Variants in CDH7 observed in about 807,000 individuals in gnomAD.
The protein encoded by CDH7 is cadherin-7.
Under a neutral mutation model 71.8 loss-of-function variants are expected in CDH7, and 25 were observed. The observed-to-expected ratio is 0.35, with a 90% CI of 0.25 to 0.49. The LOEUF (loss-of-function observed/expected upper bound fraction) is 0.49. CDH7 is among the 20% of genes least tolerant of loss of function. CDH7 has a pLI of 0.99. For synonymous variants in CDH7, 381 were observed against 363.8 expected, an observed-to-expected ratio of 1.05 and a Z score of -0.54; for missense variants, 862 against 974.6, an observed-to-expected ratio of 0.88 and a Z score of 1.54.
At chr18:65,831,372 C>A (rs1400020455) in intron 6 of CDH7, among the ~76,000 whole-genome samples, 1 of 152,144 alleles carries the variant, frequency 6.6e-6, no homozygotes, top group Admixed American at 6.5e-5. Context: ...GCTGGCCCAA[C>A]AAAGGCAGGC....
intron 2 of CDH7, among the ~76,000 whole-genome samples, chr18:65,795,093 A>G (rs1246438915): frequency 1.3e-5 from 2 of 152,182 alleles, no homozygotes; most frequent in East Asian, 3.8e-4. Flanking sequence ...GGGATTTTGA[A>G]TTAGAATGGA....
chr18:65,755,118 G>T (rs1915996231), intron 1 of CDH7, among the ~76,000 whole-genome samples: 1 of 152,136 alleles, frequency 6.6e-6, no homozygotes, highest in South Asian at 2.1e-4. Context: ...TCACTTTTAG[G>T]AAAGATGATA....
chr18:65,812,363 A>T (rs977017297), intron 3 of CDH7, among the ~76,000 whole-genome samples: 1 of 152,216 alleles, frequency 6.6e-6, no homozygotes, highest in African/African-American at 2.4e-5. Context: ...TTCAGGGTGT[A>T]CTTGACACCA....
chr18:65,844,112 T>C, intron 7 of CDH7, 47 bp downstream of exon 7: 2 of 1,568,814 alleles, frequency 1.3e-6, no homozygotes, highest in Non-Finnish European at 1.7e-6. Flanking sequence ...AAACAATGCA[T>C]TCTTGTTCAC....
chr18:65,814,721 A>G, intron 4 of CDH7, 117 bp downstream of exon 4: 1 of 809,858 alleles, frequency 1.2e-6, no homozygotes, highest in Non-Finnish European at 1.9e-6. Context: ...GCTTCTCTCA[A>G]TATGTCTACT....
At position 65,885,386 on chromosome 18, in the gene CDH7, T is replaced by TG. The variant is rs1568238178; in HGVS notation, c.*4492_*4493insG. ...TGTGTGCCTGTGTTTTTTTTTTTTT[T>TG]TTTTTTTTTGACGTGGAGTCTCGCT... On this transcript the variant is annotated 3_prime_UTR_variant, in exon 12 of 12. Coordinates refer to ENST00000397968, the MANE Select transcript of CDH7 (RefSeq NM_004361.5). The TG allele has an allele frequency of 8.0e-6, 1 of 124,476 alleles. No homozygotes were observed. The highest frequency in any genetic ancestry group is 2.8e-5 in the African/African-American group (1 of 35,908). 7.7% of individuals were successfully genotyped at this position (124,476 alleles called of 1,614,324 possible).
At chr18:65,846,250 A>G (rs1912930510) in intron 7 of CDH7, among the ~76,000 whole-genome samples, 1 of 152,080 alleles carries the variant, frequency 6.6e-6, no homozygotes, top group Non-Finnish European at 1.5e-5. Flanking sequence ...TCAAAGGCAG[A>G]ACTTCTGATT....
In CDH7 at chr18:65,888,222, G is replaced by A. The variant is rs566507929; in HGVS notation, c.*7328G>A. ...GAGTACTGTTTCAGAACTAACCAGCGAAGAGATGTATACAAAGTGTACTCT... is the reference window on the plus strand; with the variant it reads ...GAGTACTGTTTCAGAACTAACCAGCAAAGAGATGTATACAAAGTGTACTCT... On this transcript the variant is annotated 3_prime_UTR_variant, in exon 12 of 12. Transcript: ENST00000397968. 1.8e-4 allele frequency: 28 copies of A among 152,280 alleles called. No individual in the cohort carries two copies. The highest frequency in any genetic ancestry group is 3.7e-4 in the Non-Finnish European group (25 of 68,026). The allele number at this position is 152,280 out of a possible 1,614,324, so 9.4% of individuals were successfully genotyped here. A position where few individuals can be genotyped will look rare whatever the true frequency, so the allele number is the denominator to read the frequency against.
rs1555692673 is a variant in CDH7 at position 65,885,378 on chromosome 18, T to TTTCTTTTTTTTTTTTTTC, written c.*4486_*4487insCTTTTTTTTTTTTTTCTT. On this transcript the variant is annotated 3_prime_UTR_variant, in exon 12 of 12. Coordinates refer to ENST00000397968, the MANE Select transcript of CDH7 (RefSeq NM_004361.5). ...GAAAAGGATGTGTGCCTGTGTTTTTTTTTTTTTTTTTTTTTTTGACGTGGA... is the reference window on the plus strand; with the variant it reads ...GAAAAGGATGTGTGCCTGTGTTTTTTTTCTTTTTTTTTTTTTTCTTTTTTTTTTTTTTTTTGACGTGGA... 9.6e-6 allele frequency: 1 copy of TTTCTTTTTTTTTTTTTTC among 104,520 alleles called. No individual in the cohort carries two copies. Among genetic ancestry groups the TTTCTTTTTTTTTTTTTTC allele is most frequent in the Non-Finnish European group, 2.0e-5 (1 of 49,696 alleles). 6.5% of individuals were successfully genotyped at this position (104,520 alleles called of 1,614,324 possible). A position where few individuals can be genotyped will look rare whatever the true frequency, so the allele number is the denominator to read the frequency against.
intron 2 of CDH7, among the ~76,000 whole-genome samples, chr18:65,788,357 T>G (rs988336889): frequency 5.3e-5 from 8 of 152,198 alleles, no homozygotes; most frequent in Non-Finnish European, 8.8e-5. Context: ...CTGAAATAGT[T>G]GGCTTCTGAG....
chr18:65,834,309 G>C (rs1912458245), intron 6 of CDH7, among the ~76,000 whole-genome samples: 2 of 152,118 alleles, frequency 1.3e-5, no homozygotes, highest in African/African-American at 2.4e-5. Context: ...TGTCTAAGAA[G>C]TCATGAATAT....
In CDH7 at chr18:65,844,015, C is replaced by G; in HGVS notation, c.1185C>G (p.Ile395Met). ...EVSEATQVGN[I>M]IGTVAAHDPD... ...CGGAAGCTACCCAGGTTGGGAATAT[C>G]ATTGGCACTGTAGCAGCTCATGACC... Residue 395 changes from isoleucine (I) to methionine (M), a missense_variant, in exon 7 of 12, where the codon ATC (isoleucine) becomes ATG (methionine). Ile to Met is a conservative substitution (Grantham distance 10). Transcript: ENST00000397968. 1 of 1,613,056 alleles carries G rather than the reference C, an allele frequency of 6.2e-7. No individual in the cohort carries two copies. The highest frequency in any genetic ancestry group is 8.5e-7 in the Non-Finnish European group (1 of 1,179,374).
chr18:65,782,958 A>C (rs1910369114), intron 2 of CDH7, among the ~76,000 whole-genome samples: 1 of 152,208 alleles, frequency 6.6e-6, no homozygotes, highest in Non-Finnish European at 1.5e-5. Context: ...AATGTGTCAC[A>C]AAACAGACTG....
chr18:65,861,582 G>T (rs920168063), intron 10 of CDH7, among the ~76,000 whole-genome samples: 9 of 151,996 alleles, frequency 5.9e-5, no homozygotes, highest in African/African-American at 1.9e-4. Context: ...TAAAATAAAA[G>T]ATTTTTTTAC....
At chr18:65,770,275 C>G (rs187252710) in intron 2 of CDH7, among the ~76,000 whole-genome samples, 8 of 152,190 alleles carry the variant, frequency 5.3e-5, no homozygotes, top group Non-Finnish European at 1.0e-4. Context: ...GAAAGTTTCA[C>G]TAATATAGAG....
intron 2 of CDH7, among the ~76,000 whole-genome samples, chr18:65,785,569 T>C (rs1416602751): frequency 6.6e-6 from 1 of 151,656 alleles, no homozygotes; most frequent in Non-Finnish European, 1.5e-5. Flanking sequence ...ATATTACTTA[T>C]ATAGGAGAAA....
chr18:65,852,382 A>G (rs1415418925), intron 7 of CDH7, among the ~76,000 whole-genome samples: 1 of 152,142 alleles, frequency 6.6e-6, no homozygotes, highest in African/African-American at 2.4e-5. Flanking sequence ...AAAGCTTAAC[A>G]CTAATGACAT....
chr18:65,855,273 T>C (rs556486468), intron 7 of CDH7, among the ~76,000 whole-genome samples: 1 of 151,404 alleles, frequency 6.6e-6, no homozygotes, highest in South Asian at 2.1e-4. Flanking sequence ...AAACAAATTT[T>C]ACAGAAATCA....
At chr18:65,853,004 AG>A (rs1454929910) in intron 7 of CDH7, among the ~76,000 whole-genome samples, 18 of 152,286 alleles carry the variant, frequency 1.2e-4, no homozygotes, top group Admixed American at 5.9e-4. Flanking sequence ...CAAAAATTTC[AG>A]GAACTAGTTT....
Sources: gnomAD v4.1 joint callset for allele counts (sites outside exome capture counted in the v4.1 genomes callset) on GRCh38, gnomAD v4.1.1 for gene constraint, MANE v1.5 for transcripts, NCBI Gene and HGNC (gene_info 2026-07-23, HGNC 2026-07-21) for gene names.